Variants in DPP10 observed in about 807,000 individuals in gnomAD.
The protein encoded by DPP10 is dipeptidyl peptidase like 10, also known as inactive dipeptidyl peptidase 10.
Under a neutral mutation model 120.9 loss-of-function variants are expected in DPP10, and 33 were observed. That is an observed-to-expected ratio of 0.27 (90% CI 0.21 to 0.37). DPP10 has a LOEUF of 0.37. DPP10 is among the 10% of genes least tolerant of loss of function. The pLI is 1.00. For synonymous variants in DPP10, 337 were observed against 326.1 expected, an observed-to-expected ratio of 1.03 and a Z score of -0.36; for missense variants, 816 against 942.8, an observed-to-expected ratio of 0.87 and a Z score of 1.76.
At chr2:115,237,863 G>A (rs760594123) in intron 1 of DPP10, among the ~76,000 whole-genome samples, 2 of 152,180 alleles carry the variant, frequency 1.3e-5, no homozygotes, top group Admixed American at 1.3e-4. Flanking sequence ...AAACTTTGAA[G>A]TTAGCAGAGT....
chr2:114,858,055 T>C (rs1689506119), intron 1 of DPP10, among the ~76,000 whole-genome samples: 1 of 152,170 alleles, frequency 6.6e-6, no homozygotes, highest in South Asian at 2.1e-4. Context: ...AGTGGCACTA[T>C]CTCAGCTCAC....
chr2:114,749,991 G>C (rs1679051874), intron 1 of DPP10, among the ~76,000 whole-genome samples: 1 of 152,132 alleles, frequency 6.6e-6, no homozygotes, highest in Non-Finnish European at 1.5e-5. Context: ...GCATAAAAAT[G>C]TTCTCAATAA....
At chr2:114,488,082 C>T (rs779482337) in intron 1 of DPP10, among the ~76,000 whole-genome samples, 2 of 152,094 alleles carry the variant, frequency 1.3e-5, no homozygotes, top group East Asian at 3.8e-4. Context: ...AAATAGTGTT[C>T]GAATGTAATT....
chr2:115,027,993 T>C (rs1453580131), intron 1 of DPP10, among the ~76,000 whole-genome samples: 2 of 152,110 alleles, frequency 1.3e-5, no homozygotes, highest in Non-Finnish European at 1.5e-5. Context: ...TTGGGTCTAC[T>C]CTTTTAATCT....
At chr2:115,171,604 C>T (rs1426453562) in intron 1 of DPP10, among the ~76,000 whole-genome samples, 1 of 151,784 alleles carries the variant, frequency 6.6e-6, no homozygotes, top group African/African-American at 2.4e-5. Flanking sequence ...AGAAGCAGTA[C>T]TTGATTCTGG....
intron 1 of DPP10, among the ~76,000 whole-genome samples, chr2:114,615,951 A>C (rs77817850): frequency 0.011 from 1,632 of 152,254 alleles, 39 homozygotes; most frequent in African/African-American, 0.037. Context: ...TTATAATATA[A>C]TGTGAAAAGT....
At chr2:114,539,190 A>G (rs1487168314) in intron 1 of DPP10, among the ~76,000 whole-genome samples, 1 of 148,666 alleles carries the variant, frequency 6.7e-6, no homozygotes, top group Non-Finnish European at 1.5e-5. Context: ...TATATTACAT[A>G]TAAATTATAT....
intron 20 of DPP10, 102 bp downstream of exon 20, chr2:115,815,089 G>A: frequency 8.5e-7 from 1 of 1,181,240 alleles, no homozygotes; most frequent in Non-Finnish European, 1.1e-6. Context: ...CTATTTTAGT[G>A]ATTGAGCAAT....
chr2:115,583,612 G>A (rs184519626), intron 5 of DPP10, among the ~76,000 whole-genome samples: 20 of 152,200 alleles, frequency 1.3e-4, no homozygotes, highest in Admixed American at 7.8e-4. Context: ...CCCATAGAGC[G>A]TTTTCCAAGA....
At chr2:115,177,577 G>A (rs1258386827) in intron 1 of DPP10, among the ~76,000 whole-genome samples, 1 of 152,098 alleles carries the variant, frequency 6.6e-6, no homozygotes, top group East Asian at 1.9e-4. Context: ...CAGCTGTGCA[G>A]CTCCTCATTC....
chr2:115,425,963 T>G (rs2070420894), intron 3 of DPP10, among the ~76,000 whole-genome samples: 1 of 152,180 alleles, frequency 6.6e-6, no homozygotes, highest in Non-Finnish European at 1.5e-5. Flanking sequence ...AGAACTGACT[T>G]AATACCATGA....
intron 1 of DPP10, among the ~76,000 whole-genome samples, chr2:114,923,236 T>G (rs1198547320): frequency 2.0e-5 from 3 of 150,792 alleles, no homozygotes; most frequent in Non-Finnish European, 3.0e-5. Context: ...CAGGCTGGAG[T>G]GCAGTGGCGC....
At chr2:114,668,975 C>T (rs947603278) in intron 1 of DPP10, among the ~76,000 whole-genome samples, 1 of 152,080 alleles carries the variant, frequency 6.6e-6, no homozygotes, top group Non-Finnish European at 1.5e-5. Context: ...ATTTCCCTGT[C>T]TTCTGCAAGA....
intron 1 of DPP10, among the ~76,000 whole-genome samples, chr2:115,025,099 T>C (rs887179272): frequency 1.3e-5 from 2 of 152,114 alleles, no homozygotes; most frequent in East Asian, 1.9e-4. Context: ...TATCGAACAT[T>C]AGGTCTTAGA....
chr2:115,166,759 C>T (rs2052908392), intron 1 of DPP10, among the ~76,000 whole-genome samples: 1 of 151,834 alleles, frequency 6.6e-6, no homozygotes, highest in Admixed American at 6.6e-5. Flanking sequence ...ATCAATGCTG[C>T]ATTATCTTAT....
At chr2:115,715,542 A>G (rs1325846227) in intron 7 of DPP10, among the ~76,000 whole-genome samples, 1 of 151,952 alleles carries the variant, frequency 6.6e-6, no homozygotes, top group African/African-American at 2.4e-5. Flanking sequence ...ACCATACCAT[A>G]TTTGGTAATT....
intron 1 of DPP10, among the ~76,000 whole-genome samples, chr2:114,662,344 C>T (rs375172979): frequency 2.0e-5 from 3 of 152,200 alleles, no homozygotes; most frequent in Non-Finnish European, 4.4e-5. Context: ...GCGCGGGCAC[C>T]GCTGCGCGGG....
intron 5 of DPP10, among the ~76,000 whole-genome samples, chr2:115,590,572 G>T (rs1386100363): frequency 2.0e-5 from 3 of 152,180 alleles, no homozygotes; most frequent in Non-Finnish European, 4.4e-5. Context: ...TATCATTGAT[G>T]GACATTTGGG....
chr2:115,510,132 T>C (rs565667071), intron 4 of DPP10, among the ~76,000 whole-genome samples: 12 of 152,308 alleles, frequency 7.9e-5, no homozygotes, highest in African/African-American at 2.6e-4. Context: ...TCAAATGTTT[T>C]CTCCCAGGTA....
Sources: allele counts gnomAD v4.1 joint callset (sites outside exome capture counted in the v4.1 genomes callset), GRCh38; gene constraint gnomAD v4.1.1; transcripts MANE v1.5; gene names NCBI Gene and HGNC (gene_info 2026-07-23, HGNC 2026-07-21).